LIN28B: variants seen among roughly 807,000 people sequenced by gnomAD.
LIN28B encodes protein lin-28 homolog B.
In LIN28B, 5 loss-of-function variants were observed where a neutral mutation model predicts 21.9. That is an observed-to-expected ratio of 0.23 (90% confidence interval 0.12 to 0.48). The LOEUF is 0.48. Ranked by LOEUF, LIN28B falls within the 20% of genes least tolerant of loss-of-function variation. The probability of loss-of-function intolerance (pLI) is 0.98; values close to 1 mark genes in which losing one functional copy is unlikely to be tolerated. For missense variants in LIN28B, 245 were observed against 310.5 expected, an observed-to-expected ratio of 0.79 and a Z score of 1.58; for synonymous variants, 109 against 111.3, an observed-to-expected ratio of 0.98 and a Z score of 0.13.
intron 3 of LIN28B, among the ~76,000 whole-genome samples, chr6:105,074,487 C>T (rs548502826): frequency 5.3e-5 from 8 of 151,984 alleles, no homozygotes; most frequent in Non-Finnish European, 1.2e-4. Flanking sequence ...CGTGAGCCAC[C>T]GCGTCAGGCC....
chr6:105,070,592 C>CCCCACACACACACACACA, intron 3 of LIN28B, among the ~76,000 whole-genome samples: 1 of 92,228 alleles, frequency 1.1e-5, no homozygotes, highest in African/African-American at 4.4e-5. Context: ...ATCAATAAAA[C>CCCCACACACACACACACA]CACACACACA....
intron 2 of LIN28B, among the ~76,000 whole-genome samples, chr6:104,949,203 TTAAA>T (rs1242640419): frequency 6.6e-6 from 1 of 152,186 alleles, no homozygotes; most frequent in Admixed American, 6.5e-5. Context: ...TGTACAATAA[TTAAA>T]TATACTCACA....
rs755392312 is a variant in LIN28B, at chr6:105,078,630, C to T, written c.600C>T (p.Gly200=). The T allele has an allele frequency of 1.2e-6, 2 of 1,614,146 alleles. No homozygotes were observed. Among genetic ancestry groups the T allele is most frequent in the Admixed American group, 1.7e-5 (1 of 60,012 alleles). Residue 200 remains glycine, a synonymous_variant, in exon 4 of 4, where the codon GGC becomes GGT. Transcript: ENST00000345080. ...TLPREVGGGH[G]CTSPPFPQEA... ...CTCGAGAAGTGGGAGGCGGGCATGG[C>T]TGTACATCACCACCGTTTCCTCAGG...
At chr6:104,988,911 C>T (rs944409242) in intron 2 of LIN28B, among the ~76,000 whole-genome samples, 3 of 152,110 alleles carry the variant, frequency 2.0e-5, no homozygotes, top group African/African-American at 7.2e-5. Context: ...CCCATGTCAA[C>T]CTTTGCAAGT....
At chr6:104,944,727 T>C (rs1778136676) in intron 2 of LIN28B, among the ~76,000 whole-genome samples, 1 of 152,130 alleles carries the variant, frequency 6.6e-6, no homozygotes, top group African/African-American at 2.4e-5. Flanking sequence ...ATACATTTAA[T>C]ATATCAGTAA....
intron 3 of LIN28B, among the ~76,000 whole-genome samples, chr6:105,032,957 AC>A (rs982746469): frequency 3.3e-5 from 5 of 152,032 alleles, no homozygotes; most frequent in African/African-American, 9.7e-5. Context: ...TTTGCCAGAT[AC>A]ATGATTTGTA....
intron 3 of LIN28B, among the ~76,000 whole-genome samples, chr6:105,058,685 T>A (rs1172253358): frequency 6.6e-6 from 1 of 152,204 alleles, no homozygotes; most frequent in East Asian, 1.9e-4. Flanking sequence ...TTTTCAGTGG[T>A]ATGGTTGTTC....
intron 3 of LIN28B, among the ~76,000 whole-genome samples, chr6:105,077,415 C>T (rs1177401667): frequency 6.6e-6 from 1 of 151,912 alleles, no homozygotes; most frequent in Non-Finnish European, 1.5e-5. Context: ...TAGTTTCTTC[C>T]ACTAATGGTT....
At chr6:105,003,535 C>T (rs898468488) in intron 2 of LIN28B, among the ~76,000 whole-genome samples, 8 of 151,616 alleles carry the variant, frequency 5.3e-5, no homozygotes, top group African/African-American at 1.9e-4. Context: ...TTTTGAGAGA[C>T]GGATTCTTGC....
At chr6:105,057,535 T>G (rs1772043655) in intron 3 of LIN28B, among the ~76,000 whole-genome samples, 1 of 152,224 alleles carries the variant, frequency 6.6e-6, no homozygotes, top group South Asian at 2.1e-4. Context: ...CCTCTTTCTG[T>G]ATATGTATAT....
rs961025356 is a variant in LIN28B, at chr6:104,992,511, TG to T, written c.199-33786del. 1.0e-3 allele frequency among the ~76,000 whole-genome samples: 113 copies of T among 111,750 alleles called. 1 individual carries two copies. The highest frequency in any genetic ancestry group is 4.0e-3 in the Middle Eastern group (1 of 248). The allele number at this position is 111,750 out of a possible 152,430, so 73.3% of individuals were successfully genotyped here. ...GTGTGTGTGTGTGTGTGTGTGTGTGTGTGTTTTTTTTTTAAACAGGGTCTCA... is the reference window on the plus strand; with the variant it reads ...GTGTGTGTGTGTGTGTGTGTGTGTGTTGTTTTTTTTTTAAACAGGGTCTCA... On this transcript the variant is annotated intron_variant, in intron 2 of 3. Transcript: ENST00000345080.
intron 2 of LIN28B, among the ~76,000 whole-genome samples, chr6:104,995,734 A>T (rs1770584664): frequency 6.6e-6 from 1 of 152,146 alleles, no homozygotes; most frequent in South Asian, 2.1e-4. Flanking sequence ...GTAGAAGGCA[A>T]ATATATATGT....
intron 2 of LIN28B, among the ~76,000 whole-genome samples, chr6:104,987,402 C>G (rs1770369380): frequency 6.6e-6 from 1 of 152,112 alleles, no homozygotes; most frequent in South Asian, 2.1e-4. Flanking sequence ...CTCAATCACT[C>G]AGGCTGGAAT....
chr6:104,969,888 A>C (rs1769938615), intron 2 of LIN28B, among the ~76,000 whole-genome samples: 1 of 152,218 alleles, frequency 6.6e-6, no homozygotes, highest in African/African-American at 2.4e-5. Flanking sequence ...TGCAAAGACT[A>C]CATCTAGACC....
intron 2 of LIN28B, among the ~76,000 whole-genome samples, chr6:104,968,274 T>TA (rs1769904975): frequency 6.6e-6 from 1 of 152,228 alleles, no homozygotes; most frequent in South Asian, 2.1e-4. Context: ...GAAGTCTAAT[T>TA]ATACAGTCTC....
upstream of LIN28B, among the ~76,000 whole-genome samples, chr6:104,953,750 G>A (rs1582860730): frequency 6.6e-6 from 1 of 152,230 alleles, no homozygotes; most frequent in East Asian, 1.9e-4. Context: ...CCTGCCTGGA[G>A]AGGCGGGTTG....
intron 3 of LIN28B, among the ~76,000 whole-genome samples, chr6:105,066,939 A>G (rs1772231059): frequency 6.6e-6 from 1 of 152,156 alleles, no homozygotes; most frequent in African/African-American, 2.4e-5. Flanking sequence ...AGAAAAAAAT[A>G]TTTATAAGAG....
chr6:105,004,739 TA>T (rs1770782627), intron 2 of LIN28B, among the ~76,000 whole-genome samples: 1 of 152,254 alleles, frequency 6.6e-6, no homozygotes, highest in Admixed American at 6.5e-5. Flanking sequence ...GTATCATTAA[TA>T]TGTCTCTAAA....
intron 2 of LIN28B, among the ~76,000 whole-genome samples, chr6:105,011,048 T>G (rs1479944501): frequency 1.3e-5 from 2 of 152,214 alleles, no homozygotes; most frequent in African/African-American, 4.8e-5. Flanking sequence ...CTGCATCTCT[T>G]GTGAGTGAAG....
Sources: allele counts gnomAD v4.1 joint callset (sites outside exome capture counted in the v4.1 genomes callset), GRCh38; gene constraint gnomAD v4.1.1; transcripts MANE v1.5; gene names NCBI Gene and HGNC (gene_info 2026-07-23, HGNC 2026-07-21).